The following EEF2K variants were observed in gnomAD, a reference collection of about 807,000 sequenced individuals.
EEF2K encodes the protein eukaryotic elongation factor 2 kinase.
A neutral mutation model predicts 93.8 loss-of-function variants in EEF2K; 70 were observed. The observed-to-expected ratio is 0.75, with a 90% confidence interval of 0.62 to 0.91. The LOEUF (loss-of-function observed/expected upper bound fraction) is 0.91. EEF2K is among the 40% of genes least tolerant of loss of function. The pLI is 0.00. For missense variants in EEF2K, 935 were observed against 972.9 expected, an observed-to-expected ratio of 0.96 and a Z score of 0.52; for synonymous variants, 376 against 380.8, an observed-to-expected ratio of 0.99 and a Z score of 0.15.
At chr16:22,217,825 G>A (rs1335964767) in intron 1 of EEF2K, among the ~76,000 whole-genome samples, 2 of 152,148 alleles carry the variant, frequency 1.3e-5, no homozygotes, top group South Asian at 2.1e-4. Flanking sequence ...TTCCCCTACT[G>A]CCCCCCAAAA....
rs1315932234 is a variant in EEF2K, at chr16:22,286,955, C to T, written c.*2959C>T. On this transcript the variant is annotated 3_prime_UTR_variant, in exon 18 of 18. Coordinates refer to ENST00000263026, the MANE Select transcript of EEF2K (RefSeq NM_013302.5). The stretch of plus-strand genomic sequence containing the variant: ...TGTCAGTTGCTGGTCTGTTGCTCTT[C>T]GGGGAGGGAGAGATGGCCTGGATAC... 3.9e-5 allele frequency: 6 copies of T among 152,222 alleles called. No homozygotes were observed. The highest frequency in any genetic ancestry group is 4.1e-4 in the South Asian group (2 of 4,832). The allele number at this position is 152,222 out of a possible 1,614,324, so 9.4% of individuals were successfully genotyped here. A position where few individuals can be genotyped will look rare whatever the true frequency, so the allele number is the denominator to read the frequency against.
chr16:22,229,469 C>T (rs1346798183), intron 2 of EEF2K, among the ~76,000 whole-genome samples: 1 of 152,032 alleles, frequency 6.6e-6, no homozygotes, highest in African/African-American at 2.4e-5. Flanking sequence ...AATCCCAGCA[C>T]GGGCAGGCAG....
chr16:22,254,468 G>A (rs193092420), intron 6 of EEF2K, among the ~76,000 whole-genome samples: 15 of 152,208 alleles, frequency 9.9e-5, no homozygotes, highest in Admixed American at 9.2e-4. Context: ...ATGGATGGTC[G>A]TTTCCTTGGG....
chr16:22,226,517 CTT>C lies in EEF2K; in HGVS notation c.246+556_246+557del, dbSNP rs553013823. Among the ~76,000 whole-genome samples the C allele has an allele frequency of 5.6e-5, 6 of 106,862 alleles. 1 individual carries two copies. The highest frequency in any genetic ancestry group is 1.0e-4 in the Admixed American group (1 of 9,590). The allele number at this position is 106,862 out of a possible 152,430, so 70.1% of individuals were successfully genotyped here. ...CTTTTTCTTTCTTTTCCTTCTTCTT[CTT>C]TTTTTTTTTTTTTATAAACGTGGTC... On this transcript the variant is annotated intron_variant, in intron 2 of 17. Transcript: ENST00000263026.
chr16:22,258,670 A>G lies in EEF2K; in HGVS notation c.1206A>G (p.Pro402=), dbSNP rs2047433566. 1.2e-6 allele frequency: 2 copies of G among 1,614,166 alleles called. No homozygotes were observed. The highest frequency in any genetic ancestry group is 1.7e-5 in the Admixed American group (1 of 60,002). ...CTTCTTCCCCATCTTCGGCCACACC[A>G]CACAGCCAGAAGCTAGACCACCTCC... is the stretch of plus-strand genomic sequence containing the variant. ...SLPSSPSSAT[P]HSQKLDHLHW... Residue 402 remains proline, a synonymous_variant, in exon 10 of 18, where the codon CCA becomes CCG. Transcript: ENST00000263026.
chr16:22,246,186 C>G (rs150495719), intron 3 of EEF2K, among the ~76,000 whole-genome samples: 1 of 152,088 alleles, frequency 6.6e-6, no homozygotes, highest in Admixed American at 6.6e-5. Flanking sequence ...CAGGGAAACA[C>G]TTACTCATAT....
intron 6 of EEF2K, among the ~76,000 whole-genome samples, chr16:22,255,751 A>C: frequency 6.6e-6 from 1 of 151,890 alleles, no homozygotes; most frequent in Admixed American, 6.6e-5. Context: ...TCTATAAAAA[A>C]ATTTAGATAT....
rs71151665 is a variant in EEF2K at position 22,236,934 on chromosome 16, C to CTTTTT, written c.247-7672_247-7668dup. 4.8e-4 allele frequency among the ~76,000 whole-genome samples: 27 copies of CTTTTT among 56,228 alleles called. 5 individuals are homozygous for CTTTTT. Among genetic ancestry groups the CTTTTT allele is most frequent in the East Asian group, 1.5e-3 (2 of 1,306 alleles). The allele number at this position is 56,228 out of a possible 152,430, so 36.9% of individuals were successfully genotyped here. On this transcript the variant is annotated intron_variant, in intron 2 of 17. Coordinates refer to ENST00000263026, the MANE Select transcript of EEF2K (RefSeq NM_013302.5). ...TTTTTTATGAAATATCCACAGACCT[C>CTTTTT]TTTTTTTTTTTTTTTTTTTTTTTTT...
At chr16:22,275,874 C>T (rs925103522) in intron 16 of EEF2K, among the ~76,000 whole-genome samples, 3 of 151,304 alleles carry the variant, frequency 2.0e-5, no homozygotes, top group Non-Finnish European at 2.9e-5. Flanking sequence ...CTCCTGACCT[C>T]GGGTAATCCT....
At position 22,257,357 on chromosome 16, in the gene EEF2K, G is replaced by A. The variant is rs140938002; in HGVS notation, c.873G>A (p.Thr291=). 100 of 1,613,820 alleles carry A rather than the reference G, an allele frequency of 6.2e-5. No individual in the cohort carries two copies. Among genetic ancestry groups the A allele is most frequent in the African/African-American group, 1.3e-4 (10 of 75,022 alleles). The change falls in exon 8 of 18, where the codon ACG becomes ACA. Residue 291 remains threonine (T), a synonymous_variant. Transcript: ENST00000263026. ...CTGACCCACAGATCCACACGGAGAC[G>A]GGCACTGACTTTGGAGACGGCAACC... ...LYTDPQIHTE[T]GTDFGDGNLG... is the part of the protein sequence containing the mutation.
chr16:22,281,896 AT>A (rs1283539740), intron 17 of EEF2K, among the ~76,000 whole-genome samples: 1 of 152,140 alleles, frequency 6.6e-6, no homozygotes, highest in African/African-American at 2.4e-5. Context: ...TTATATATAT[AT>A]TTTTTCTGTT....
intron 6 of EEF2K, among the ~76,000 whole-genome samples, chr16:22,252,138 T>C (rs2047357886): frequency 6.6e-6 from 1 of 152,200 alleles, no homozygotes; most frequent in Non-Finnish European, 1.5e-5. Context: ...GTCGGAATGT[T>C]TTTATCCTCA....
intron 1 of EEF2K, among the ~76,000 whole-genome samples, chr16:22,224,890 T>C: frequency 6.6e-6 from 1 of 150,826 alleles, no homozygotes; most frequent in East Asian, 2.0e-4. Flanking sequence ...GAGGTGGAGG[T>C]TGCAGTGAGC....
chr16:22,218,645 G>A (rs753857276), intron 1 of EEF2K, among the ~76,000 whole-genome samples: 6 of 152,170 alleles, frequency 3.9e-5, no homozygotes, highest in African/African-American at 4.8e-5. Flanking sequence ...CGAGCCAGAC[G>A]TCCAGGTCAC....
intron 2 of EEF2K, among the ~76,000 whole-genome samples, chr16:22,230,701 T>A (rs1381876533): frequency 5.3e-5 from 8 of 152,114 alleles, no homozygotes; most frequent in South Asian, 2.1e-4. Context: ...TTTAAAAAAA[T>A]TTTTTGTAGA....
intron 12 of EEF2K, among the ~76,000 whole-genome samples, chr16:22,264,506 C>G (rs574019800): frequency 6.6e-6 from 1 of 152,148 alleles, no homozygotes; most frequent in East Asian, 1.9e-4. Context: ...AGTAGGAGCT[C>G]TGCCCGTTAC....
intron 3 of EEF2K, among the ~76,000 whole-genome samples, chr16:22,247,715 T>G (rs2047309469): frequency 6.6e-6 from 1 of 152,178 alleles, no homozygotes. Flanking sequence ...GATTGGTTCT[T>G]CTGTATCTTT....
At chr16:22,258,467 C>T in intron 9 of EEF2K, 27 bp from the exon 10 acceptor site, 1 of 1,611,024 alleles carries the variant, frequency 6.2e-7, no homozygotes, top group South Asian at 1.1e-5. Flanking sequence ...GTGTGCGTGA[C>T]ATGAGTATCC....
chr16:22,240,632 A>G (rs2047212579), intron 2 of EEF2K, among the ~76,000 whole-genome samples: 1 of 152,182 alleles, frequency 6.6e-6, no homozygotes, highest in African/African-American at 2.4e-5. Flanking sequence ...TATATCTGGT[A>G]GTTCTGGAAA....
Sources: allele counts gnomAD v4.1 joint callset (sites outside exome capture counted in the v4.1 genomes callset), GRCh38; gene constraint gnomAD v4.1.1; transcripts MANE v1.5; gene names NCBI Gene and HGNC (gene_info 2026-07-23, HGNC 2026-07-21).